Variants in SLC36A2 observed in about 807,000 individuals in gnomAD.
SLC36A2 encodes the protein solute carrier family 36 member 2.
A neutral mutation model predicts 42.7 loss-of-function variants in SLC36A2; 39 were observed. The observed-to-expected ratio is 0.91, with a 90% CI of 0.71 to 1.19. SLC36A2 has a LOEUF of 1.19. SLC36A2 is among the 50% of genes most tolerant of loss of function. The pLI is 0.00. For missense variants in SLC36A2, 590 were observed against 613.7 expected (o/e 0.96, Z 0.41); for synonymous variants, 237 against 240.8 (o/e 0.98, Z 0.15).
At chr5:151,326,261 A>G (rs372165678) in intron 7 of SLC36A2, among the ~76,000 whole-genome samples, 38 of 152,336 alleles carry the variant, frequency 2.5e-4, no homozygotes, top group African/African-American at 9.1e-4. Flanking sequence ...CGACAATTGA[A>G]TATGAATGCC....
At chr5:151,334,913 AT>A (rs898286708) in intron 6 of SLC36A2, among the ~76,000 whole-genome samples, 121 of 150,234 alleles carry the variant, frequency 8.1e-4, no homozygotes, top group African/African-American at 2.5e-3. Flanking sequence ...TAAATATTAG[AT>A]TTTTTTTTTC....
intron 9 of SLC36A2, among the ~76,000 whole-genome samples, chr5:151,318,666 A>G (rs1161666906): frequency 6.7e-6 from 1 of 149,674 alleles, no homozygotes; most frequent in African/African-American, 2.4e-5. Context: ...ATAAATAATT[A>G]ACATGAGTAT....
chr5:151,331,753 G>A (rs1022084285), intron 7 of SLC36A2, among the ~76,000 whole-genome samples: 4 of 152,170 alleles, frequency 2.6e-5, no homozygotes, highest in African/African-American at 7.2e-5. Context: ...TGAGAAGCCA[G>A]GTGTGATGGA....
Position 151,343,555 on chromosome 5 carries a change from T to C in SLC36A2, c.299A>G (p.His100Arg). The change falls in exon 3 of 10, where the codon CAC (histidine) becomes CGC (arginine). Residue 100 changes from histidine (H) to arginine (R), a missense_variant. Transcript: ENST00000335244. Reference protein sequence around the residue: ...SLLVMGFIACHCMHILVKCAQ... With the variant: ...SLLVMGFIACRCMHILVKCAQ... ...ACACTTGACCAGGATGTGCATACAG[T>C]GGCAGGCAATGAAGCCCATCACCAG... is the stretch of plus-strand genomic sequence containing the variant. The C allele has an allele frequency of 6.2e-7, 1 of 1,614,120 alleles. No individual in the cohort carries two copies. The highest frequency in any genetic ancestry group is 1.7e-5 in the Admixed American group (1 of 60,026).
chr5:151,329,376 T>C (rs1305290438), intron 7 of SLC36A2, among the ~76,000 whole-genome samples: 3 of 152,316 alleles, frequency 2.0e-5, no homozygotes, highest in Middle Eastern at 3.4e-3. Context: ...CCTAAAATAA[T>C]ATTCAAAATG....
At chr5:151,321,030 A>G (rs1183324172) in intron 9 of SLC36A2, among the ~76,000 whole-genome samples, 2 of 152,200 alleles carry the variant, frequency 1.3e-5, no homozygotes, top group Non-Finnish European at 2.9e-5. Flanking sequence ...TCATAGTTCT[A>G]CCTCATGATA....
chr5:151,334,449 G>C lies in SLC36A2; in HGVS notation c.744+880C>G, dbSNP rs6871929. Among the ~76,000 whole-genome samples the C allele has an allele frequency of 3.4e-4, 51 of 151,694 alleles. 1 individual carries two copies. Among genetic ancestry groups the C allele is most frequent in the Non-Finnish European group, 4.9e-4 (33 of 67,908 alleles). On this transcript the variant is annotated intron_variant, in intron 6 of 9. Coordinates refer to ENST00000335244, the MANE Select transcript of SLC36A2 (RefSeq NM_181776.3). ...TCATGCCTGTAATCTCAGCACTTTG[G>C]GGGGGCCAAGGCGGGGGGATCACTT...
chr5:151,339,259 A>T, intron 4 of SLC36A2, 115 bp from the exon 5 acceptor site: 1 of 685,878 alleles, frequency 1.5e-6, no homozygotes, highest in Non-Finnish European at 2.6e-6. Flanking sequence ...CTGTACCAGC[A>T]CACTTGGTCC....
chr5:151,328,343 T>A (rs1755904663), intron 7 of SLC36A2, among the ~76,000 whole-genome samples: 1 of 152,176 alleles, frequency 6.6e-6, no homozygotes, highest in Non-Finnish European at 1.5e-5. Context: ...AAAAAATGAC[T>A]GTCATGGTGG....
chr5:151,330,961 G>A (rs568500686), intron 7 of SLC36A2, among the ~76,000 whole-genome samples: 14 of 152,314 alleles, frequency 9.2e-5, no homozygotes, highest in African/African-American at 3.4e-4. Flanking sequence ...TCAAAACTGT[G>A]TGGTTCTGGC....
intron 4 of SLC36A2, among the ~76,000 whole-genome samples, chr5:151,339,537 C>T (rs553136153): frequency 5.9e-5 from 9 of 152,210 alleles, no homozygotes; most frequent in Admixed American, 3.3e-4. Flanking sequence ...CTCGATCTCC[C>T]GACCTCAGGT....
intron 7 of SLC36A2, among the ~76,000 whole-genome samples, chr5:151,328,220 A>C (rs1352946654): frequency 6.6e-6 from 1 of 152,260 alleles, no homozygotes; most frequent in Non-Finnish European, 1.5e-5. Flanking sequence ...CACACTTCAC[A>C]ATATCTCTTT....
chr5:151,344,372 A>G lies in SLC36A2; in HGVS notation c.165-105T>C, dbSNP rs1270538479. ...GCACCTGATAGGCGGGCTCCTAGCC[A>G]TCTCTCAGTCCATGAGTCCTTGCCT... is the stretch of plus-strand genomic sequence containing the variant. On this transcript the variant is annotated intron_variant, in intron 1 of 9. Transcript: ENST00000335244. 8.5e-6 allele frequency: 8 copies of G among 939,152 alleles called. No individual in the cohort carries two copies. In the East Asian group the frequency reaches 1.1e-4, roughly 12 times the overall value. 58.2% of individuals were successfully genotyped at this position (939,152 alleles called of 1,614,324 possible).
Position 151,316,760 on chromosome 5 carries a change from AAAAG to A in SLC36A2, c.*53_*56del, listed in dbSNP as rs1755504294. On this transcript the variant is annotated 3_prime_UTR_variant, in exon 10 of 10. Coordinates refer to ENST00000335244, the MANE Select transcript of SLC36A2 (RefSeq NM_181776.3). ...CGTCTCAAAAAAAAAAAAAAAAAAA[AAAAG>A]AGATCCATATAATTAAAAGTCGGGT... The A allele has an allele frequency of 4.1e-5, 64 of 1,545,922 alleles. No homozygotes were observed. Among genetic ancestry groups the A allele is most frequent in the Non-Finnish European group, 5.1e-5 (59 of 1,146,992 alleles).
Position 151,335,438 on chromosome 5 carries a change from A to G in SLC36A2, c.635T>C (p.Leu212Pro), listed in dbSNP as rs1189093004. The change falls in exon 6 of 10, where the codon CTG becomes CCG. Residue 212 changes from leucine to proline, a missense_variant. Coordinates refer to ENST00000335244, the MANE Select transcript of SLC36A2 (RefSeq NM_181776.3). ...GTTCCGGATGAGGACCAGCAGCACCAGGAAGGGCAGGAAGGAGAGCATGTA... is the reference window on the plus strand; with the variant it reads ...GTTCCGGATGAGGACCAGCAGCACCGGGAAGGGCAGGAAGGAGAGCATGTA... Reference protein sequence around the residue: ...RLYMLSFLPFLVLLVLIRNLR... With the variant: ...RLYMLSFLPFPVLLVLIRNLR... The G allele has an allele frequency of 6.2e-7, 1 of 1,614,056 alleles. No homozygotes were observed. Among genetic ancestry groups the G allele is most frequent in the East Asian group, 2.2e-5 (1 of 44,896 alleles).
Position 151,316,851 on chromosome 5 carries a change from T to C in SLC36A2, c.1418A>G (p.His473Arg). Residue 473 changes from histidine to arginine, a missense_variant, in exon 10 of 10, where the codon CAC becomes CGC. Physicochemically the swap from His to Arg is conservative, Grantham distance 29. Coordinates refer to ENST00000335244, the MANE Select transcript of SLC36A2 (RefSeq NM_181776.3). ...AAAAGTGGTGGAGTTGGAAAAGGGG[T>C]GAGAGTCTTCTGACTTGAGCAGCTC... Reference protein sequence around the residue: ...LDELLKSEDSHPFSNSTTFVR With the variant: ...LDELLKSEDSRPFSNSTTFVR The C allele has an allele frequency of 6.2e-7, 1 of 1,604,294 alleles. No homozygotes were observed. The highest frequency in any genetic ancestry group is 8.5e-7 in the Non-Finnish European group (1 of 1,177,818).
In SLC36A2 at chr5:151,316,910, C is replaced by T; in HGVS notation, c.1359G>A (p.Val453=). The T allele has an allele frequency of 1.2e-6, 2 of 1,614,096 alleles. No individual in the cohort carries two copies. The highest frequency in any genetic ancestry group is 3.3e-4 in the Middle Eastern group (2 of 6,062). ...KDALISILGF[V]GFVVGTYQAL... is the part of the protein sequence containing the mutation. ...CCTGGTAGGTCCCCACCACAAAGCC[C>T]ACGAAGCCCAGGATGCTGATCAGGG... Residue 453 remains valine, a synonymous_variant, in exon 10 of 10, where the codon GTG becomes GTA. Coordinates refer to ENST00000335244, the MANE Select transcript of SLC36A2 (RefSeq NM_181776.3).
chr5:151,326,477 G>A (rs1274976753), intron 7 of SLC36A2, among the ~76,000 whole-genome samples: 1 of 152,158 alleles, frequency 6.6e-6, no homozygotes, highest in South Asian at 2.1e-4. Context: ...ACCAGAGAGC[G>A]CTTCCTGGTT....
At chr5:151,327,386 ATGGGTATATTT>A (rs1256559472) in intron 7 of SLC36A2, among the ~76,000 whole-genome samples, 1 of 152,164 alleles carries the variant, frequency 6.6e-6, no homozygotes, top group Non-Finnish European at 1.5e-5. Flanking sequence ...TCCTATAGCA[ATGGGTATATTT>A]GTTACTAAGG....
Sources: gnomAD v4.1 joint callset for allele counts (sites outside exome capture counted in the v4.1 genomes callset) on GRCh38, gnomAD v4.1.1 for gene constraint, MANE v1.5 for transcripts, NCBI Gene and HGNC (gene_info 2026-07-23, HGNC 2026-07-21) for gene names.